ZNF205: variants seen among roughly 807,000 people sequenced by gnomAD.
ZNF205 encodes the protein transcriptional repressor RHIT.
In ZNF205, 32 loss-of-function variants were observed where a neutral mutation model predicts 53.6. That is an observed-to-expected ratio of 0.60 (90% CI 0.45 to 0.80). The LOEUF (loss-of-function observed/expected upper bound fraction) is 0.80. Among genes scored for constraint, ZNF205 ranks in the 30% least tolerant of loss-of-function variants. The pLI is 0.00. For synonymous variants in ZNF205, 382 were observed against 334.3 expected (o/e 1.14, Z -1.56); for missense variants, 836 against 782.4 (o/e 1.07, Z -0.82).
chr16:3,116,898 C>T (rs1957353492), intron 5 of ZNF205, among the ~76,000 whole-genome samples: 1 of 152,114 alleles, frequency 6.6e-6, no homozygotes, highest in South Asian at 2.1e-4. Flanking sequence ...GGGTTCATGC[C>T]ATTCTCCTGC....
chr16:3,118,928 T>A lies in ZNF205; in HGVS notation c.508T>A (p.Trp170Arg), dbSNP rs1424909095. 3 of 1,613,526 alleles carry A rather than the reference T, an allele frequency of 1.9e-6. No homozygotes were observed. Among genetic ancestry groups the A allele is most frequent in the Non-Finnish European group, 2.5e-6 (3 of 1,179,990 alleles). ...SLGFPFSRPF[W>R]APQAHGKGEA... Reference sequence around the variant, plus strand: ...AGGCTTTCCCTTCAGCAGGCCTTTCTGGGCCCCTCAAGCGCACGGCAAGGG... The same window carrying A: ...AGGCTTTCCCTTCAGCAGGCCTTTCAGGGCCCCTCAAGCGCACGGCAAGGG... Residue 170 changes from tryptophan to arginine, a missense_variant, in exon 6 of 7, where the codon TGG becomes AGG. By Grantham distance (101) the Trp-to-Arg change is moderately radical. Transcript: ENST00000219091.
intron 3 of ZNF205, 95 bp downstream of exon 3, chr16:3,115,663 T>A: frequency 7.0e-7 from 1 of 1,426,954 alleles, no homozygotes; most frequent in Non-Finnish European, 9.4e-7. Flanking sequence ...AGGGTCTCTA[T>A]GCCAGCAGGG....
intron 1 of ZNF205, 75 bp from the exon 2 acceptor site, chr16:3,113,342 C>A: frequency 1.3e-6 from 2 of 1,499,218 alleles, no homozygotes; most frequent in Middle Eastern, 3.5e-4. Flanking sequence ...TCTGTCTGCT[C>A]TTCTAGGCTC....
rs1455734437 is a variant in ZNF205 at position 3,119,396 on chromosome 16, G to A, written c.736G>A (p.Gly246Arg). ...GGAAGCAGCCTGCGGCCGGAGCTCA[G>A]GGCCGGCCAAAGACTCCGGGCAGCC... The part of the protein sequence containing the change: ...AQEAACGRSS[G>R]PAKDSGQPAE... Residue 246 changes from glycine (G) to arginine (R), a missense_variant, in exon 7 of 7, where the codon GGG becomes AGG. Gly to Arg is a moderately radical substitution (Grantham distance 125, BLOSUM62 -2). Coordinates refer to ENST00000219091, the MANE Select transcript of ZNF205 (RefSeq NM_001042428.2). 1 of 1,610,658 alleles carries A rather than the reference G, an allele frequency of 6.2e-7. No homozygotes were observed. The highest frequency in any genetic ancestry group is 8.5e-7 in the Non-Finnish European group (1 of 1,179,108).
chr16:3,119,371 G>A lies in ZNF205; in HGVS notation c.711G>A (p.Gln237=). 1.9e-6 allele frequency: 3 copies of A among 1,612,402 alleles called. No individual in the cohort carries two copies. Among genetic ancestry groups the A allele is most frequent in the Middle Eastern group, 1.7e-4 (1 of 6,048 alleles). ...RVQWGVPQCA[Q]EAACGRSSGP... Reference sequence around the variant, plus strand: ...AGTGGGGCGTCCCGCAGTGCGCGCAGGAAGCAGCCTGCGGCCGGAGCTCAG... The same window carrying A: ...AGTGGGGCGTCCCGCAGTGCGCGCAAGAAGCAGCCTGCGGCCGGAGCTCAG... Residue 237 remains glutamine, a synonymous_variant, in exon 7 of 7, where the codon CAG becomes CAA. Coordinates refer to ENST00000219091, the MANE Select transcript of ZNF205 (RefSeq NM_001042428.2).
chr16:3,116,848 A>G (rs1433843096), intron 5 of ZNF205, among the ~76,000 whole-genome samples: 1 of 152,108 alleles, frequency 6.6e-6, no homozygotes, highest in Non-Finnish European at 1.5e-5. Flanking sequence ...AGGCTGGAAC[A>G]CAGTGGCACG....
chr16:3,120,269 A>T lies in ZNF205; in HGVS notation c.1609A>T (p.Met537Leu), dbSNP rs547382100. Residue 537 changes from methionine to leucine, a missense_variant, in exon 7 of 7, where the codon ATG becomes TTG. Transcript: ENST00000219091. The stretch of plus-strand genomic sequence containing the variant: ...CGGGCCCAAGGCCCTGGCCATGCTG[A>T]TGCTGGGGGCGGCGGCGGCGGGGGC... The part of the protein sequence containing the change: ...TTGPKALAML[M>L]LGAAAAGALA... 1,009 of 1,602,104 alleles carry T rather than the reference A, an allele frequency of 6.3e-4. No homozygotes were observed. Among genetic ancestry groups the T allele is most frequent in the Admixed American group, 8.0e-4 (48 of 59,830 alleles).
intron 3 of ZNF205, 58 bp from the exon 4 acceptor site, chr16:3,115,771 G>T (rs1957336012): frequency 3.9e-6 from 6 of 1,529,248 alleles, no homozygotes; most frequent in Non-Finnish European, 5.4e-6. Flanking sequence ...GGCAGCTGAA[G>T]TAGCAGCAGG....
At chr16:3,114,216 T>C (rs889506212) in intron 2 of ZNF205, among the ~76,000 whole-genome samples, 3 of 152,202 alleles carry the variant, frequency 2.0e-5, no homozygotes, top group Non-Finnish European at 2.9e-5. Flanking sequence ...GCCCCACATG[T>C]TGGCATTCTC....
rs768850791 is a variant in ZNF205, at chr16:3,118,963, G to A, written c.543G>A (p.Ser181=). ...AAGCGCACGGCAAGGGTGAGGCCTCGGGCTCCAGCCGGCAGGCAGGAGATG... is the reference window on the plus strand; with the variant it reads ...AAGCGCACGGCAAGGGTGAGGCCTCAGGCTCCAGCCGGCAGGCAGGAGATG... ...APQAHGKGEA[S]GSSRQAGDEK... is the part of the protein sequence containing the mutation. The change falls in exon 6 of 7, where the codon TCG becomes TCA. Residue 181 remains serine (S), a synonymous_variant. Coordinates refer to ENST00000219091, the MANE Select transcript of ZNF205 (RefSeq NM_001042428.2). The A allele has an allele frequency of 3.7e-6, 6 of 1,613,664 alleles. No individual in the cohort carries two copies. In the Admixed American group the frequency reaches 1.0e-4, roughly 27 times the overall value.
In ZNF205 at chr16:3,112,623, AC is replaced by A; in HGVS notation, c.-73del. Reference sequence around the variant, plus strand: ...CGCCCGCCCCGTGCAGGCTGTGGAGACTCCCTTCCCGGGGGAGGGGGCCCCC... The same window carrying A: ...CGCCCGCCCCGTGCAGGCTGTGGAGATCCCTTCCCGGGGGAGGGGGCCCCC... On this transcript the variant is annotated 5_prime_UTR_variant, in exon 1 of 7. Transcript: ENST00000219091. The A allele has an allele frequency of 6.9e-6, 2 of 290,670 alleles. No homozygotes were observed. Among genetic ancestry groups the A allele is most frequent in the South Asian group, 2.9e-5 (1 of 34,030 alleles). The allele number at this position is 290,670 out of a possible 1,614,324, so 18.0% of individuals were successfully genotyped here. A position where few individuals can be genotyped will look rare whatever the true frequency, so the allele number is the denominator to read the frequency against.
At chr16:3,113,616 G>GCA (rs1486337424) in intron 2 of ZNF205, 129 bp downstream of exon 2, 2 of 1,015,240 alleles carry the variant, frequency 2.0e-6, no homozygotes, top group Non-Finnish European at 1.4e-6. Context: ...AGAGAAGGTG[G>GCA]CATGCTGGGT....
chr16:3,118,594 C>G (rs903390699), intron 5 of ZNF205, among the ~76,000 whole-genome samples: 10 of 152,168 alleles, frequency 6.6e-5, no homozygotes, highest in African/African-American at 2.4e-4. Context: ...GGGCCACTAC[C>G]CTTGCCCCTC....
intron 5 of ZNF205, 88 bp from the exon 6 acceptor site, chr16:3,118,817 A>C: frequency 7.3e-7 from 1 of 1,374,670 alleles, no homozygotes; most frequent in South Asian, 1.4e-5. Context: ...CTCACCCCCT[A>C]CTTGGGCCCA....
chr16:3,115,550 C>T lies in ZNF205; in HGVS notation c.253C>T (p.Leu85Phe). 1 of 1,592,432 alleles carries T rather than the reference C, an allele frequency of 6.3e-7. No individual in the cohort carries two copies. The highest frequency in any genetic ancestry group is 1.7e-4 in the Middle Eastern group (1 of 5,980). Reference protein sequence around the residue: ...PLSHGSKEKALFLPGGALPSP... With the variant: ...PLSHGSKEKAFFLPGGALPSP... ...AAGTCACGGCTCTAAGGAGAAAGCT[C>T]TCTTCCTGCCTGGCGGAGGTAGGAG... The change falls in exon 3 of 7, where the codon CTC becomes TTC. Residue 85 changes from leucine (L) to phenylalanine (F), a missense_variant. Physicochemically the swap from Leu to Phe is conservative, Grantham distance 22. Transcript: ENST00000219091.
Position 3,120,307 on chromosome 16 carries a change from C to G in ZNF205, c.1647C>G (p.Pro549=). 6.4e-7 allele frequency: 1 copy of G among 1,557,918 alleles called. No homozygotes were observed. Among genetic ancestry groups the G allele is most frequent in the South Asian group, 1.2e-5 (1 of 85,934 alleles). The change falls in exon 7 of 7, where the codon CCC becomes CCG. Residue 549 remains proline, a synonymous_variant. Transcript: ENST00000219091. ...CGGCGGCGGGGGCTCTGGCCACACC[C>G]CCACCCGCTCCCACCTAGGAGGCCA... The part of the protein sequence containing the change: ...GAAAAGALAT[P]PPAPT
rs555977098 is a variant in ZNF205, at chr16:3,120,338, G to C, written c.*13G>C. On this transcript the variant is annotated 3_prime_UTR_variant, in exon 7 of 7. Coordinates refer to ENST00000219091, the MANE Select transcript of ZNF205 (RefSeq NM_001042428.2). ...CGCTCCCACCTAGGAGGCCAGGAAA[G>C]GGGGAGCGGGGCGCCCAGGGCCACT... The C allele has an allele frequency of 6.0e-6, 9 of 1,497,822 alleles. No homozygotes were observed. The Admixed American group carries it at 1.7e-4, about 27-fold the overall frequency. 92.8% of individuals were successfully genotyped at this position (1,497,822 alleles called of 1,614,324 possible).
rs1335851799 is a variant in ZNF205 at position 3,118,930 on chromosome 16, G to A, written c.510G>A (p.Trp170Ter). 2 of 1,613,470 alleles carry A rather than the reference G, an allele frequency of 1.2e-6. No individual in the cohort carries two copies. The highest frequency in any genetic ancestry group is 1.7e-6 in the Non-Finnish European group (2 of 1,179,968). Residue 170 changes from tryptophan (W) to a stop codon, truncating the protein, a stop_gained, in exon 6 of 7, where the codon TGG becomes TGA. Transcript: ENST00000219091. LOFTEE classifies it high-confidence loss of function. ...GCTTTCCCTTCAGCAGGCCTTTCTG[G>A]GCCCCTCAAGCGCACGGCAAGGGTG... is the stretch of plus-strand genomic sequence containing the variant. ...SLGFPFSRPF[W>*]APQAHGKGEA...
chr16:3,117,484 T>C (rs1216150019), intron 5 of ZNF205, among the ~76,000 whole-genome samples: 1 of 134,738 alleles, frequency 7.4e-6, no homozygotes, highest in African/African-American at 2.7e-5. Context: ...AGCCTTGCTC[T>C]GTCACCCAGG....
Sources: gnomAD v4.1 joint callset for allele counts (sites outside exome capture counted in the v4.1 genomes callset) on GRCh38, gnomAD v4.1.1 for gene constraint, MANE v1.5 for transcripts, NCBI Gene and HGNC (gene_info 2026-07-23, HGNC 2026-07-21) for gene names.